Variants in PRDM14 observed in about 807,000 individuals in gnomAD.
PRDM14 encodes the protein PR domain zinc finger protein 14.
A neutral mutation model predicts 48.0 loss-of-function variants in PRDM14; 16 were observed. The observed-to-expected ratio is 0.33, with a 90% CI of 0.23 to 0.51. The LOEUF (loss-of-function observed/expected upper bound fraction) is 0.51. Among genes scored for constraint, PRDM14 ranks in the 20% least tolerant of loss-of-function variants. The probability of loss-of-function intolerance (pLI) is 0.97; values close to 1 mark genes in which losing one functional copy is unlikely to be tolerated. For synonymous variants in PRDM14, 264 were observed against 276.6 expected, an observed-to-expected ratio of 0.95 and a Z score of 0.45; for missense variants, 566 against 719.6, an observed-to-expected ratio of 0.79 and a Z score of 2.44.
chr8:70,057,432 C>G (rs1326969171), intron 6 of PRDM14, among the ~76,000 whole-genome samples: 1 of 151,554 alleles, frequency 6.6e-6, no homozygotes, highest in Non-Finnish European at 1.5e-5. Flanking sequence ...GGGGTTGAAG[C>G]AATTCTCCTG....
In PRDM14 at chr8:70,055,338, A is replaced by T. The variant is rs770009110; in HGVS notation, c.1450T>A (p.Ser484Thr). The T allele has an allele frequency of 1.2e-6, 2 of 1,608,574 alleles. No individual in the cohort carries two copies. The highest frequency in any genetic ancestry group is 1.7e-6 in the Non-Finnish European group (2 of 1,175,046). Residue 484 changes from serine to threonine, a missense_variant, in exon 7 of 8, where the codon TCT becomes ACT. Physicochemically the swap from Ser to Thr is moderately conservative, Grantham distance 58. This residue lies in a region of PRDM14 where 126 missense variants were observed against 271.6 expected (regional missense o/e 0.46). Coordinates refer to ENST00000276594, the MANE Select transcript of PRDM14 (RefSeq NM_024504.4). ...ACACACTGGTATGGTCTGTCTCCAG[A>T]GTGGACTCGCATGTGTTTGTTTAGG... The part of the protein sequence containing the change: ...SSLNKHMRVH[S>T]GDRPYQCVYC...
In PRDM14 at chr8:70,069,729, G is replaced by A. The variant is rs766539332; in HGVS notation, c.132C>T (p.Ala44=). 1 of 1,594,066 alleles carries A rather than the reference G, an allele frequency of 6.3e-7. No individual in the cohort carries two copies. The highest frequency in any genetic ancestry group is 1.7e-5 in the Admixed American group (1 of 57,394). Residue 44 remains alanine, a synonymous_variant, in exon 2 of 8, where the codon GCC becomes GCT. Transcript: ENST00000276594. ...PSYGHYRNSL[A]TVEEDFQPFR... is the part of the protein sequence containing the mutation. ...AAGGTTGGAAGTCTTCCTCCACGGT[G>A]GCCAGGCTGTTTCTGTAGTGTCCAT...
chr8:70,070,757 G>A (rs985573616), intron 1 of PRDM14, among the ~76,000 whole-genome samples: 6 of 152,306 alleles, frequency 3.9e-5, no homozygotes, highest in East Asian at 1.9e-4. Flanking sequence ...CAGTCCTCCC[G>A]CCCCCGCACC....
At chr8:70,064,421 C>T (rs150035519) in intron 5 of PRDM14, among the ~76,000 whole-genome samples, 3 of 152,022 alleles carry the variant, frequency 2.0e-5, no homozygotes, top group South Asian at 2.1e-4. Context: ...TCAGTCAGTA[C>T]GCACTGGGAT....
At chr8:70,058,420 A>G (rs906536373) in intron 6 of PRDM14, among the ~76,000 whole-genome samples, 1 of 152,078 alleles carries the variant, frequency 6.6e-6, no homozygotes, top group Non-Finnish European at 1.5e-5. Flanking sequence ...TCCTTCCTCC[A>G]TGTTCCTCCC....
intron 6 of PRDM14, among the ~76,000 whole-genome samples, chr8:70,057,826 G>A (rs995610494): frequency 1.3e-5 from 2 of 152,078 alleles, no homozygotes; most frequent in Admixed American, 6.6e-5. Context: ...AATTTTATAG[G>A]AGTATATAAT....
chr8:70,069,077 C>T (rs926636144), intron 2 of PRDM14, 84 bp downstream of exon 2: 5 of 1,122,314 alleles, frequency 4.5e-6, no homozygotes, highest in African/African-American at 3.1e-5. Flanking sequence ...TCAGCTCCAC[C>T]TGGAAGCGCC....
rs2131044243 is a variant in PRDM14, at chr8:70,069,728, T to A, written c.133A>T (p.Thr45Ser). ...SYGHYRNSLA[T>S]VEEDFQPFRQ... ...AAAGGTTGGAAGTCTTCCTCCACGG[T>A]GGCCAGGCTGTTTCTGTAGTGTCCA... is the stretch of plus-strand genomic sequence containing the variant. The change falls in exon 2 of 8, where the codon ACC (threonine) becomes TCC (serine). Residue 45 changes from threonine (T) to serine (S), a missense_variant. By Grantham distance (58) the Thr-to-Ser change is moderately conservative. Around this residue, in one of 3 missense-constraint regions of PRDM14, gnomAD observed 410 missense variants for 424.6 expected, o/e 0.97. Coordinates refer to ENST00000276594, the MANE Select transcript of PRDM14 (RefSeq NM_024504.4). The A allele has an allele frequency of 4.4e-6, 7 of 1,592,774 alleles. No homozygotes were observed. The African/African-American group carries it at 5.4e-5, about 12-fold the overall frequency.
At chr8:70,068,092 G>A (rs1805702028) in intron 4 of PRDM14, 138 bp downstream of exon 4, 3 of 931,248 alleles carry the variant, frequency 3.2e-6, no homozygotes, top group Middle Eastern at 3.0e-4. Context: ...CCTTTTACAG[G>A]CAACACAAAC....
At chr8:70,057,415 C>T (rs1257743532) in intron 6 of PRDM14, among the ~76,000 whole-genome samples, 6 of 151,864 alleles carry the variant, frequency 4.0e-5, no homozygotes, top group South Asian at 2.1e-4. Context: ...CTGCAACCTC[C>T]GCCTCTGGGG....
At position 70,051,715 on chromosome 8, in the gene PRDM14, G is replaced by A. The variant is rs1486535643; in HGVS notation, c.*362C>T. ...TATAACCCATAAAAGGAAATAGAGAGAATCCGAATCTCTTGTTTTTACATT... is the reference window on the plus strand; with the variant it reads ...TATAACCCATAAAAGGAAATAGAGAAAATCCGAATCTCTTGTTTTTACATT... On this transcript the variant is annotated 3_prime_UTR_variant, in exon 8 of 8. Coordinates refer to ENST00000276594, the MANE Select transcript of PRDM14 (RefSeq NM_024504.4). 1 of 179,148 alleles carries A rather than the reference G, an allele frequency of 5.6e-6. No individual in the cohort carries two copies. The highest frequency in any genetic ancestry group is 1.2e-5 in the Non-Finnish European group (1 of 84,462). The allele number at this position is 179,148 out of a possible 1,614,324, so 11.1% of individuals were successfully genotyped here.
chr8:70,058,957 G>T lies in PRDM14; in HGVS notation c.1184-115C>A, dbSNP rs139652573. ...CAAGAATTCTTTGGCTACTTCAAGA[G>T]GAATTTTCTTTTTTTGAGACAGAAT... is the stretch of plus-strand genomic sequence containing the variant. On this transcript the variant is annotated intron_variant, in intron 5 of 7. Coordinates refer to ENST00000276594, the MANE Select transcript of PRDM14 (RefSeq NM_024504.4). 1.9e-4 allele frequency: 175 copies of T among 907,440 alleles called. No individual in the cohort carries two copies. In the East Asian group the frequency reaches 4.7e-3, roughly 24 times the overall value. The allele number at this position is 907,440 out of a possible 1,614,324, so 56.2% of individuals were successfully genotyped here.
Position 70,058,630 on chromosome 8 carries a change from T to C in PRDM14, c.1386+10A>G. ...CGTGATGGTGGGTCATGTGTCCTCCTAATACTCACCTTGTGAGGCCGGTGC... is the reference window on the plus strand; with the variant it reads ...CGTGATGGTGGGTCATGTGTCCTCCCAATACTCACCTTGTGAGGCCGGTGC... On this transcript the variant is annotated intron_variant, in intron 6 of 7. Coordinates refer to ENST00000276594, the MANE Select transcript of PRDM14 (RefSeq NM_024504.4). 1 of 1,611,944 alleles carries C rather than the reference T, an allele frequency of 6.2e-7. No individual in the cohort carries two copies. The highest frequency in any genetic ancestry group is 2.2e-5 in the East Asian group (1 of 44,862).
In PRDM14 at chr8:70,055,878, CCTGCT is replaced by C. The variant is rs375700131; in HGVS notation, c.1387-482_1387-478del. Among the ~76,000 whole-genome samples the C allele has an allele frequency of 2.0e-3, 297 of 152,210 alleles. 1 individual carries two copies. The highest frequency in any genetic ancestry group is 6.7e-3 in the African/African-American group (280 of 41,526). ...GTATATGGCAGAGGCCTGAATTAGT[CCTGCT>C]CTCTCAACAGGTAGCTGTGTGACTA... is the stretch of plus-strand genomic sequence containing the variant. On this transcript the variant is annotated intron_variant, in intron 6 of 7. Transcript: ENST00000276594.
chr8:70,054,287 A>G (rs1404439138), intron 7 of PRDM14, among the ~76,000 whole-genome samples: 1 of 152,226 alleles, frequency 6.6e-6, no homozygotes, highest in Non-Finnish European at 1.5e-5. Flanking sequence ...TAATAATAGC[A>G]GTTAACATTC....
intron 5 of PRDM14, among the ~76,000 whole-genome samples, chr8:70,060,511 A>G (rs1805561078): frequency 1.3e-5 from 2 of 152,342 alleles, no homozygotes; most frequent in East Asian, 3.9e-4. Context: ...ACATTTATAT[A>G]CACACATATA....
Position 70,066,588 on chromosome 8 carries a change from TA to T in PRDM14, c.913-84del, listed in dbSNP as rs1805673451. 2.9e-6 allele frequency: 3 copies of T among 1,047,058 alleles called. No homozygotes were observed. The African/African-American group carries it at 4.8e-5, about 17-fold the overall frequency. The allele number at this position is 1,047,058 out of a possible 1,614,324, so 64.9% of individuals were successfully genotyped here. A position where few individuals can be genotyped will look rare whatever the true frequency, so the allele number is the denominator to read the frequency against. On this transcript the variant is annotated intron_variant, in intron 4 of 7. Coordinates refer to ENST00000276594, the MANE Select transcript of PRDM14 (RefSeq NM_024504.4). Reference sequence around the variant, plus strand: ...AATAAATTTTTTAATACTTGTAACCTAAATATCACACTTGAGTCCACCAAAT... The same window carrying T: ...AATAAATTTTTTAATACTTGTAACCTAATATCACACTTGAGTCCACCAAAT...
At chr8:70,068,674 A>C in intron 2 of PRDM14, 142 bp from the exon 3 acceptor site, 1 of 723,604 alleles carries the variant, frequency 1.4e-6, no homozygotes, top group Non-Finnish European at 2.4e-6. Context: ...TTCCCTGCTC[A>C]TTTTACATGG....
In PRDM14 at chr8:70,051,698, A is replaced by G. The variant is rs751799263; in HGVS notation, c.*379T>C. 4 of 170,482 alleles carry G rather than the reference A, an allele frequency of 2.3e-5. No homozygotes were observed. Among genetic ancestry groups the G allele is most frequent in the Non-Finnish European group, 5.1e-5 (4 of 79,126 alleles). 10.6% of individuals were successfully genotyped at this position (170,482 alleles called of 1,614,324 possible). On this transcript the variant is annotated 3_prime_UTR_variant, in exon 8 of 8. Transcript: ENST00000276594. ...CCAACTGCAGGGACTTCTATAACCC[A>G]TAAAAGGAAATAGAGAGAATCCGAA...
Sources: gnomAD v4.1 joint callset for allele counts (sites outside exome capture counted in the v4.1 genomes callset) on GRCh38, gnomAD v4.1.1 for gene constraint, gnomAD v4.1.1 regional missense constraint, MANE v1.5 for transcripts, NCBI Gene and HGNC (gene_info 2026-07-23, HGNC 2026-07-21) for gene names.